The following SCAI variants were observed in gnomAD, a reference collection of about 807,000 sequenced individuals.
SCAI encodes the protein protein SCAI.
In SCAI, 24 loss-of-function variants were observed where a neutral mutation model predicts 92.2. The observed-to-expected ratio is 0.26, with a 90% CI of 0.19 to 0.37. The LOEUF is 0.37. Ranked by LOEUF, SCAI falls within the 10% of genes least tolerant of loss-of-function variation. The probability of loss-of-function intolerance (pLI) is 1.00; values close to 1 mark genes in which losing one functional copy is unlikely to be tolerated. For synonymous variants in SCAI, 261 were observed against 258.6 expected (o/e 1.01, Z -0.09); for missense variants, 450 against 736.2 (o/e 0.61, Z 4.50).
rs1040432475 is a variant in SCAI, at chr9:124,945,111, C to T, written c.*7696G>A. Reference sequence around the variant, plus strand: ...TGTCCACCAAAATAGGAAATTGATACCCAATTTATAGTCTATGATGAAATT... The same window carrying T: ...TGTCCACCAAAATAGGAAATTGATATCCAATTTATAGTCTATGATGAAATT... On this transcript the variant is annotated 3_prime_UTR_variant, in exon 18 of 18. Coordinates refer to ENST00000336505, the MANE Select transcript of SCAI (RefSeq NM_001144877.3). 6.6e-6 allele frequency: 1 copy of T among 151,954 alleles called. No individual in the cohort carries two copies. Among genetic ancestry groups the T allele is most frequent in the Non-Finnish European group, 1.5e-5 (1 of 68,000 alleles). The allele number at this position is 151,954 out of a possible 1,614,324, so 9.4% of individuals were successfully genotyped here.
chr9:125,010,485 A>G (rs1023359808), intron 9 of SCAI, among the ~76,000 whole-genome samples: 1 of 152,092 alleles, frequency 6.6e-6, no homozygotes, highest in Non-Finnish European at 1.5e-5. Flanking sequence ...GGGGAGGGGT[A>G]CCCGCCATTG....
chr9:125,001,838 A>G, intron 12 of SCAI, 127 bp downstream of exon 12: 4 of 601,830 alleles, frequency 6.6e-6, no homozygotes, highest in Non-Finnish European at 1.2e-5. Flanking sequence ...CAACAAATAG[A>G]CCAGGTTTCA....
At chr9:124,990,330 A>G (rs748362496) in intron 14 of SCAI, among the ~76,000 whole-genome samples, 2 of 151,922 alleles carry the variant, frequency 1.3e-5, no homozygotes, top group Non-Finnish European at 2.9e-5. Context: ...CTCTACTAAA[A>G]ACACAAAAAT....
chr9:125,020,151 G>A (rs866248216), intron 7 of SCAI, among the ~76,000 whole-genome samples: 17 of 149,906 alleles, frequency 1.1e-4, no homozygotes, highest in African/African-American at 3.7e-4. Flanking sequence ...ACAAAATTAA[G>A]TATGCCATTG....
chr9:125,006,765 C>T (rs1437006680), intron 9 of SCAI, among the ~76,000 whole-genome samples: 1 of 152,030 alleles, frequency 6.6e-6, no homozygotes, highest in African/African-American at 2.4e-5. Context: ...GTGGGGATTA[C>T]AGGTGTGAGC....
At position 125,087,586 on chromosome 9, in the gene SCAI, CAAAT is replaced by C. The variant is rs541956194; in HGVS notation, c.99-31583_99-31580del. On this transcript the variant is annotated intron_variant, in intron 2 of 17. Transcript: ENST00000336505. ...CATTATTTTACACGGCACTTTCAAA[CAAAT>C]AAAGACATTCTAGAAAAATAATTAG... 8.5e-3 allele frequency among the ~76,000 whole-genome samples: 1,300 copies of C among 152,242 alleles called. 9 individuals are homozygous for C. The highest frequency in any genetic ancestry group is 0.015 in the Non-Finnish European group (997 of 68,004).
intron 2 of SCAI, among the ~76,000 whole-genome samples, chr9:125,065,319 C>T (rs1190113674): frequency 2.0e-5 from 3 of 151,994 alleles, no homozygotes; most frequent in African/African-American, 7.2e-5. Flanking sequence ...TAACTTAATG[C>T]CATCAACGTG....
intron 2 of SCAI, among the ~76,000 whole-genome samples, chr9:125,084,092 A>G (rs1358832720): frequency 1.3e-5 from 2 of 151,410 alleles, no homozygotes; most frequent in African/African-American, 2.4e-5. Context: ...ATACAATAGT[A>G]AAAAAAATTT....
chr9:125,074,058 G>C (rs1261620224), intron 2 of SCAI, among the ~76,000 whole-genome samples: 1 of 151,512 alleles, frequency 6.6e-6, no homozygotes, highest in Non-Finnish European at 1.5e-5. Context: ...AAGAGATCGA[G>C]ACCGTCCTGG....
chr9:124,956,720 T>G (rs1324878205), intron 17 of SCAI, among the ~76,000 whole-genome samples: 1 of 152,226 alleles, frequency 6.6e-6, no homozygotes, highest in African/African-American at 2.4e-5. Flanking sequence ...AATTTATGGT[T>G]AAAGACTAAC....
intron 15 of SCAI, among the ~76,000 whole-genome samples, chr9:124,972,459 G>A (rs1006138098): frequency 2.0e-5 from 3 of 152,168 alleles, no homozygotes; most frequent in Non-Finnish European, 2.9e-5. Context: ...GACTAGATGA[G>A]TAAAATGTGA....
intron 11 of SCAI, among the ~76,000 whole-genome samples, chr9:125,002,407 T>G (rs1164456020): frequency 6.6e-6 from 1 of 152,106 alleles, no homozygotes; most frequent in African/African-American, 2.4e-5. Context: ...TTTCTCACAG[T>G]TCTTTCAGAT....
chr9:124,977,151 G>A (rs1031241468), intron 14 of SCAI, among the ~76,000 whole-genome samples: 5 of 152,168 alleles, frequency 3.3e-5, no homozygotes, highest in Admixed American at 6.6e-5. Flanking sequence ...TTACAGGCAT[G>A]AGCCAGCACG....
intron 2 of SCAI, among the ~76,000 whole-genome samples, chr9:125,129,402 A>G (rs979880414): frequency 2.0e-5 from 3 of 147,764 alleles, no homozygotes; most frequent in Middle Eastern, 3.4e-3. Flanking sequence ...GATCACGCAG[A>G]CTCCAACTTA....
intron 17 of SCAI, among the ~76,000 whole-genome samples, chr9:124,963,863 C>A (rs1474537822): frequency 6.6e-6 from 1 of 150,768 alleles, no homozygotes; most frequent in Non-Finnish European, 1.5e-5. Context: ...TCTTCATCCT[C>A]ATTGCCTTCA....
At chr9:125,099,174 C>T (rs905539240) in intron 2 of SCAI, among the ~76,000 whole-genome samples, 1 of 152,024 alleles carries the variant, frequency 6.6e-6, no homozygotes, top group African/African-American at 2.4e-5. Context: ...TTTAAGAATA[C>T]ATATTCATAT....
At chr9:125,032,653 G>T (rs1228169555) in intron 3 of SCAI, among the ~76,000 whole-genome samples, 5 of 123,080 alleles carry the variant, frequency 4.1e-5, no homozygotes, top group Non-Finnish European at 8.5e-5. Flanking sequence ...TCACTCTGTT[G>T]CCCAGGCTGG....
chr9:125,085,736 G>A lies in SCAI; in HGVS notation c.99-29729C>T, dbSNP rs550356800. On this transcript the variant is annotated intron_variant, in intron 2 of 17. Transcript: ENST00000336505. ...GCTGAGAATGCAGTGAGCCGTGATC[G>A]CACCTGGGCAACAAAGCGAGACCTT... Among the ~76,000 whole-genome samples, 6 of 152,226 alleles carry A rather than the reference G, an allele frequency of 3.9e-5. No homozygotes were observed. In the South Asian group the frequency reaches 6.2e-4, roughly 16 times the overall value.
At chr9:125,004,032 C>T (rs537501851) in intron 9 of SCAI, among the ~76,000 whole-genome samples, 3 of 152,048 alleles carry the variant, frequency 2.0e-5, no homozygotes, top group Non-Finnish European at 2.9e-5. Context: ...AAAAATTAGC[C>T]GGGTGTGGTG....
Sources: allele counts gnomAD v4.1 joint callset (sites outside exome capture counted in the v4.1 genomes callset), GRCh38; gene constraint gnomAD v4.1.1; transcripts MANE v1.5; gene names NCBI Gene and HGNC (gene_info 2026-07-23, HGNC 2026-07-21).